Variants in TRIM9 observed in about 807,000 individuals in gnomAD.
The protein encoded by TRIM9 is E3 ubiquitin-protein ligase TRIM9.
A neutral mutation model predicts 78.3 loss-of-function variants in TRIM9; 26 were observed. That is an observed-to-expected ratio of 0.33 (90% CI 0.24 to 0.46). TRIM9 has a LOEUF of 0.46. Among genes scored for constraint, TRIM9 ranks in the 20% least tolerant of loss-of-function variants. The probability of loss-of-function intolerance (pLI) is 1.00; values close to 1 mark genes in which losing one functional copy is unlikely to be tolerated. For synonymous variants in TRIM9, 398 were observed against 416.5 expected, an observed-to-expected ratio of 0.96 and a Z score of 0.54; for missense variants, 787 against 1,036.4, an observed-to-expected ratio of 0.76 and a Z score of 3.30.
chr14:51,062,282 CT>C (rs1425178988), intron 1 of TRIM9, among the ~76,000 whole-genome samples: 10 of 152,146 alleles, frequency 6.6e-5, no homozygotes, highest in Non-Finnish European at 1.5e-4. Context: ...ATACCAACAT[CT>C]GGGCCATCTT....
At position 50,982,024 on chromosome 14, in the gene TRIM9, A is replaced by G; in HGVS notation, c.1938T>C (p.Ser646=). ...LSNDNLTVTC[S]SYDDRVVLGK... ...CTAGCACCACCCGGTCATCATAGCT[A>G]CTACAGGTCACTGTCAGGTTGTCAT... The change falls in exon 11 of 13, where the codon AGT becomes AGC. Residue 646 remains serine (S), a synonymous_variant. Coordinates refer to ENST00000684578, the MANE Select transcript of TRIM9 (RefSeq NM_001387360.1). 1.9e-6 allele frequency: 3 copies of G among 1,614,122 alleles called. No homozygotes were observed. The highest frequency in any genetic ancestry group is 2.5e-6 in the Non-Finnish European group (3 of 1,180,028).
At chr14:51,025,710 T>C (rs896403506) in intron 1 of TRIM9, among the ~76,000 whole-genome samples, 6 of 152,192 alleles carry the variant, frequency 3.9e-5, no homozygotes, top group African/African-American at 1.2e-4. Flanking sequence ...GTGAGTCAGA[T>C]GATCTAATTC....
intron 1 of TRIM9, among the ~76,000 whole-genome samples, chr14:51,065,673 G>C (rs191725205): frequency 6.6e-6 from 1 of 152,156 alleles, no homozygotes; most frequent in Admixed American, 6.5e-5. Context: ...GGCCATAGAG[G>C]CCTGGAGTTG....
At chr14:50,995,419 A>G (rs1286356222) in intron 7 of TRIM9, among the ~76,000 whole-genome samples, 1 of 152,212 alleles carries the variant, frequency 6.6e-6, no homozygotes, top group Admixed American at 6.5e-5. Flanking sequence ...CACAGTGGTC[A>G]CTTATCAAGC....
chr14:50,982,322 C>A, intron 10 of TRIM9: 1 of 586,568 alleles, frequency 1.7e-6, no homozygotes, highest in Non-Finnish European at 3.0e-6. Flanking sequence ...GCAGGGGTTA[C>A]CTGGCTCAGA....
chr14:51,001,420 G>A (rs1186410786), intron 5 of TRIM9, among the ~76,000 whole-genome samples: 2 of 151,846 alleles, frequency 1.3e-5, no homozygotes, highest in African/African-American at 2.4e-5. Context: ...TAGTAGAGAC[G>A]GGGTTTCACT....
chr14:51,078,294 AT>A (rs2062985427), intron 1 of TRIM9, among the ~76,000 whole-genome samples: 1 of 152,228 alleles, frequency 6.6e-6, no homozygotes, highest in African/African-American at 2.4e-5. Context: ...AAACTATGAG[AT>A]ATGAACAAAT....
intron 1 of TRIM9, among the ~76,000 whole-genome samples, chr14:51,072,987 T>C (rs545178764): frequency 6.7e-6 from 1 of 148,732 alleles, no homozygotes; most frequent in South Asian, 2.2e-4. Context: ...ATTAATGTTT[T>C]ATTTATTTTT....
intron 7 of TRIM9, among the ~76,000 whole-genome samples, chr14:50,993,197 G>A (rs1365143131): frequency 3.3e-5 from 5 of 152,124 alleles, no homozygotes; most frequent in Admixed American, 1.3e-4. Flanking sequence ...TACCAGTGGG[G>A]GAAGGGCCTC....
At chr14:51,086,749 C>A (rs1483493806) in intron 1 of TRIM9, among the ~76,000 whole-genome samples, 1 of 152,004 alleles carries the variant, frequency 6.6e-6, no homozygotes, top group Non-Finnish European at 1.5e-5. Context: ...AGTCTGGGAC[C>A]AAACTGTGAA....
At chr14:51,064,806 A>G (rs1382414137) in intron 1 of TRIM9, among the ~76,000 whole-genome samples, 1 of 152,280 alleles carries the variant, frequency 6.6e-6, no homozygotes, top group South Asian at 2.1e-4. Context: ...GGAGACAAGA[A>G]GCAATATAAC....
rs2064326600 is a variant in TRIM9 at position 51,091,542 on chromosome 14, CAT to C, written c.822+2574_822+2575del. Among the ~76,000 whole-genome samples the C allele has an allele frequency of 2.6e-5, 4 of 152,320 alleles. No individual in the cohort carries two copies. The South Asian group carries it at 8.3e-4, about 32-fold the overall frequency. On this transcript the variant is annotated intron_variant, in intron 1 of 12. Transcript: ENST00000684578. ...GAGATAGAAGTACCATTAACTAAAACATAAACTATATGAGAAAACTGGCTGCT... is the reference window on the plus strand; with the variant it reads ...GAGATAGAAGTACCATTAACTAAAACAAACTATATGAGAAAACTGGCTGCT...
At chr14:51,024,546 A>C (rs1037721176) in intron 2 of TRIM9, among the ~76,000 whole-genome samples, 2 of 152,216 alleles carry the variant, frequency 1.3e-5, no homozygotes, top group African/African-American at 4.8e-5. Context: ...GCTAAACAGT[A>C]CAGAAGGTCA....
chr14:51,053,592 TTAA>T lies in TRIM9; in HGVS notation c.823-28235_823-28233del, dbSNP rs1366134397. On this transcript the variant is annotated intron_variant, in intron 1 of 12. Coordinates refer to ENST00000684578, the MANE Select transcript of TRIM9 (RefSeq NM_001387360.1). ...ACTTTTTAATTTTCTTTTTTTTTTTTTAATTTTTTTTTTTTTTATTATACTCTA... is the reference window on the plus strand; with the variant it reads ...ACTTTTTAATTTTCTTTTTTTTTTTTTTTTTTTTTTTTTTATTATACTCTA... 3.0e-3 allele frequency among the ~76,000 whole-genome samples: 344 copies of T among 115,558 alleles called. 3 individuals carry two copies. The highest frequency in any genetic ancestry group is 0.011 in the African/African-American group (324 of 28,980). 75.8% of individuals were successfully genotyped at this position (115,558 alleles called of 152,430 possible).
chr14:51,012,691 C>T (rs1025489682), intron 3 of TRIM9, among the ~76,000 whole-genome samples: 2 of 152,142 alleles, frequency 1.3e-5, no homozygotes, highest in South Asian at 4.2e-4. Flanking sequence ...CACAAGGGTT[C>T]CAATTTCTCC....
At position 51,009,175 on chromosome 14, in the gene TRIM9, G is replaced by A; in HGVS notation, c.1211C>T (p.Thr404Ile). The A allele has an allele frequency of 6.2e-7, 1 of 1,614,104 alleles. No individual in the cohort carries two copies. Among genetic ancestry groups the A allele is most frequent in the Non-Finnish European group, 8.5e-7 (1 of 1,179,966 alleles). The change falls in exon 5 of 13, where the codon ACA becomes ATA. Residue 404 changes from threonine to isoleucine, a missense_variant. Thr to Ile is a moderately conservative substitution (Grantham distance 89, BLOSUM62 -1). Coordinates refer to ENST00000684578, the MANE Select transcript of TRIM9 (RefSeq NM_001387360.1). ...HLTEDQWGKG[T>I]LTPRMTTDFD... ...GTCCGTGGTCATCCTTGGAGTGAGT[G>A]TGCCTTTACCCCACTGATCCTCAGT...
intron 1 of TRIM9, among the ~76,000 whole-genome samples, chr14:51,075,220 GT>G (rs1231795221): frequency 1.3e-5 from 2 of 152,116 alleles, no homozygotes; most frequent in Non-Finnish European, 2.9e-5. Context: ...GCATCTCCAA[GT>G]TTGTCTACCC....
intron 1 of TRIM9, among the ~76,000 whole-genome samples, chr14:51,046,437 A>C (rs937658170): frequency 6.6e-6 from 1 of 152,206 alleles, no homozygotes; most frequent in Non-Finnish European, 1.5e-5. Flanking sequence ...GGTTTTGCAA[A>C]ATGCTACCAC....
chr14:51,063,831 G>A (rs1380227388), intron 1 of TRIM9, among the ~76,000 whole-genome samples: 1 of 152,124 alleles, frequency 6.6e-6, no homozygotes, highest in Non-Finnish European at 1.5e-5. Flanking sequence ...TACAGGAAAT[G>A]TTAACAGGAA....
Sources: gnomAD v4.1 joint callset for allele counts (sites outside exome capture counted in the v4.1 genomes callset) on GRCh38, gnomAD v4.1.1 for gene constraint, MANE v1.5 for transcripts, NCBI Gene and HGNC (gene_info 2026-07-23, HGNC 2026-07-21) for gene names.